CTNND2: variants seen among roughly 807,000 people sequenced by gnomAD.
CTNND2 encodes catenin delta 2.
A neutral mutation model predicts 144.4 loss-of-function variants in CTNND2; 22 were observed. The observed-to-expected ratio is 0.15, with a 90% CI of 0.11 to 0.22. The LOEUF (loss-of-function observed/expected upper bound fraction) is 0.22. Among genes scored for constraint, CTNND2 ranks in the 10% least tolerant of loss-of-function variants. CTNND2 has a pLI of 1.00. For synonymous variants in CTNND2, 751 were observed against 695.6 expected (o/e 1.08, Z -1.25); for missense variants, 1,353 against 1,618.8 (o/e 0.84, Z 2.82).
intron 9 of CTNND2, among the ~76,000 whole-genome samples, chr5:11,309,309 T>TGCAGAGCCACAGGG (rs1561194049): frequency 6.6e-6 from 1 of 152,194 alleles, no homozygotes; most frequent in African/African-American, 2.4e-5. Context: ...GGCTGTACCC[T>TGCAGAGCCACAGGG]GCAGAGCCAC....
intron 3 of CTNND2, among the ~76,000 whole-genome samples, chr5:11,436,500 A>C (rs899547138): frequency 2.0e-5 from 3 of 152,322 alleles, no homozygotes; most frequent in African/African-American, 7.2e-5. Flanking sequence ...CATCATGCAC[A>C]GTATTTTGAA....
At chr5:11,213,971 T>C (rs1738910423) in intron 10 of CTNND2, among the ~76,000 whole-genome samples, 1 of 152,216 alleles carries the variant, frequency 6.6e-6, no homozygotes, top group African/African-American at 2.4e-5. Flanking sequence ...CTTTATACTA[T>C]TTTATTCCAA....
intron 10 of CTNND2, among the ~76,000 whole-genome samples, chr5:11,225,756 CCTT>C (rs2149874873): frequency 6.6e-6 from 1 of 152,296 alleles, no homozygotes; most frequent in African/African-American, 2.4e-5. Context: ...CTTTGTTACT[CCTT>C]GTTATAGGTT....
At chr5:11,482,223 T>C (rs958357039) in intron 3 of CTNND2, among the ~76,000 whole-genome samples, 10 of 152,162 alleles carry the variant, frequency 6.6e-5, no homozygotes, top group African/African-American at 9.7e-5. Flanking sequence ...TCATGGCATC[T>C]TTCTGGCAGC....
intron 9 of CTNND2, among the ~76,000 whole-genome samples, chr5:11,323,921 A>T (rs1336917734): frequency 2.6e-5 from 4 of 152,062 alleles, no homozygotes; most frequent in African/African-American, 9.7e-5. Flanking sequence ...AGGAATGGGG[A>T]ATCACCCTTG....
At chr5:11,500,821 G>T (rs1018469652) in intron 3 of CTNND2, among the ~76,000 whole-genome samples, 3 of 152,148 alleles carry the variant, frequency 2.0e-5, no homozygotes, top group African/African-American at 7.2e-5. Flanking sequence ...AACATAAATA[G>T]AATTGATTTT....
intron 1 of CTNND2, among the ~76,000 whole-genome samples, chr5:11,821,219 G>A (rs1423559742): frequency 1.3e-5 from 2 of 152,100 alleles, no homozygotes; most frequent in Non-Finnish European, 2.9e-5. Context: ...GTCATCTTAT[G>A]TAAATTTTTA....
At chr5:11,363,174 C>T (rs1198059233) in intron 8 of CTNND2, among the ~76,000 whole-genome samples, 3 of 152,174 alleles carry the variant, frequency 2.0e-5, no homozygotes, top group Non-Finnish European at 4.4e-5. Flanking sequence ...AACACTATCA[C>T]ACTAGAGTTT....
chr5:11,398,488 T>C (rs1760340855), intron 5 of CTNND2, among the ~76,000 whole-genome samples: 1 of 152,162 alleles, frequency 6.6e-6, no homozygotes, highest in Non-Finnish European at 1.5e-5. Context: ...TTTTCATCAG[T>C]ATTTGAAACA....
chr5:11,676,118 T>TAC (rs763200595), intron 2 of CTNND2, among the ~76,000 whole-genome samples: 44 of 151,824 alleles, frequency 2.9e-4, no homozygotes, highest in African/African-American at 9.2e-4. Context: ...CAGGTGTCCC[T>TAC]ACACACACAC....
chr5:11,617,042 G>T (rs1414911473), intron 2 of CTNND2, among the ~76,000 whole-genome samples: 1 of 152,124 alleles, frequency 6.6e-6, no homozygotes, highest in African/African-American at 2.4e-5. Context: ...TGTTCTTAAA[G>T]CATCATCCAT....
At chr5:11,757,855 C>T (rs1490109113) in intron 1 of CTNND2, among the ~76,000 whole-genome samples, 3 of 151,942 alleles carry the variant, frequency 2.0e-5, no homozygotes, top group Admixed American at 2.0e-4. Flanking sequence ...CTGACCCTTA[C>T]ATCCAATGTA....
intron 3 of CTNND2, among the ~76,000 whole-genome samples, chr5:11,478,033 C>T (rs1218054394): frequency 6.6e-6 from 1 of 152,154 alleles, no homozygotes; most frequent in Non-Finnish European, 1.5e-5. Flanking sequence ...AAAACAACAA[C>T]GACATGACTT....
intron 1 of CTNND2, among the ~76,000 whole-genome samples, chr5:11,817,986 T>TG (rs1793088148): frequency 4.1e-5 from 2 of 49,210 alleles, no homozygotes; most frequent in South Asian, 1.3e-3. Context: ...GAGGTGTTTT[T>TG]TTTTTTTTTT....
At chr5:11,538,373 A>G (rs1382903228) in intron 3 of CTNND2, among the ~76,000 whole-genome samples, 2 of 152,236 alleles carry the variant, frequency 1.3e-5, no homozygotes, top group Non-Finnish European at 2.9e-5. Flanking sequence ...ATTAAAAGGA[A>G]GCATGGCTGT....
Position 10,981,722 on chromosome 5 carries a change from T to C in CTNND2, c.3417+51A>G, listed in dbSNP as rs1579937371. ...TTTATGTTTAAAATTCCAGGTTATT[T>C]CACATGAGTCACACTGAAAAGGAAA... On this transcript the variant is annotated intron_variant, in intron 21 of 21. Transcript: ENST00000304623. The C allele has an allele frequency of 2.0e-6, 3 of 1,492,190 alleles. No homozygotes were observed. The East Asian group carries it at 6.8e-5, about 34-fold the overall frequency. 92.4% of individuals were successfully genotyped at this position (1,492,190 alleles called of 1,614,324 possible).
intron 9 of CTNND2, among the ~76,000 whole-genome samples, chr5:11,270,696 T>C (rs920551974): frequency 2.0e-5 from 3 of 152,232 alleles, no homozygotes; most frequent in Non-Finnish European, 4.4e-5. Flanking sequence ...TTCAGCATTA[T>C]ACTTCTAGGC....
At chr5:11,519,761 T>C (rs530305281) in intron 3 of CTNND2, among the ~76,000 whole-genome samples, 14 of 151,958 alleles carry the variant, frequency 9.2e-5, no homozygotes, top group African/African-American at 3.4e-4. Flanking sequence ...GGAAGGTAGG[T>C]AGGTAGGTAG....
In CTNND2 at chr5:11,195,307, G is replaced by C. The variant is rs533924822; in HGVS notation, c.1975+4141C>G. On this transcript the variant is annotated intron_variant, in intron 11 of 21. Coordinates refer to ENST00000304623, the MANE Select transcript of CTNND2 (RefSeq NM_001332.4). Reference sequence around the variant, plus strand: ...TCTAGTAAACATCACTCATGTGTGAGGGTTAAAGACTTATTTTTTTAGAAT... The same window carrying C: ...TCTAGTAAACATCACTCATGTGTGACGGTTAAAGACTTATTTTTTTAGAAT... Among the ~76,000 whole-genome samples, 4 of 152,246 alleles carry C rather than the reference G, an allele frequency of 2.6e-5. No individual in the cohort carries two copies. In the East Asian group the frequency reaches 7.7e-4, roughly 29 times the overall value.
Sources: allele counts gnomAD v4.1 joint callset (sites outside exome capture counted in the v4.1 genomes callset), GRCh38; gene constraint gnomAD v4.1.1; transcripts MANE v1.5; gene names NCBI Gene and HGNC (gene_info 2026-07-23, HGNC 2026-07-21).